ZNF132: variants seen among roughly 807,000 people sequenced by gnomAD.
The protein encoded by ZNF132 is zinc finger protein 132.
In ZNF132, 6 loss-of-function variants were observed where a neutral mutation model predicts 9.3. The ratio of observed to expected loss-of-function variants is 0.65; its 90% CI spans 0.35 to 1.28. ZNF132 has a LOEUF of 1.28. Ranked by LOEUF, ZNF132 falls within the 50% of genes most tolerant of loss-of-function variation. ZNF132 has a pLI of 0.03. For synonymous variants in ZNF132, 296 were observed against 292.0 expected, an observed-to-expected ratio of 1.01 and a Z score of -0.14; for missense variants, 877 against 843.2, an observed-to-expected ratio of 1.04 and a Z score of -0.50.
In ZNF132 at chr19:58,439,925, A is replaced by G; in HGVS notation, c.-104T>C. On this transcript the variant is annotated 5_prime_UTR_variant, in exon 1 of 3. Coordinates refer to ENST00000254166, the MANE Select transcript of ZNF132 (RefSeq NM_003433.4). ...GTCTTCCCAAATGCAAAATGCGCGC[A>G]AGGCCTCTGGGCACCGCAGGGACGA... is the stretch of plus-strand genomic sequence containing the variant. 8.0e-7 allele frequency: 1 copy of G among 1,246,894 alleles called. No homozygotes were observed. 77.2% of individuals were successfully genotyped at this position (1,246,894 alleles called of 1,614,324 possible).
At chr19:58,439,643 T>G in intron 1 of ZNF132, 116 bp downstream of exon 1, 1 of 1,150,720 alleles carries the variant, frequency 8.7e-7, no homozygotes, top group Non-Finnish European at 1.2e-6. Context: ...AGGACCCACG[T>G]GTGAGGACAG....
Position 58,440,091 on chromosome 19 carries a change from C to T in ZNF132, c.-270G>A. The stretch of plus-strand genomic sequence containing the variant: ...ACGGTCCCTGCACCCACTCCCGTGC[C>T]CTGGTGTGGCTCCAGAGGCCTGCTG... On this transcript the variant is annotated 5_prime_UTR_variant, in exon 1 of 3. Coordinates refer to ENST00000254166, the MANE Select transcript of ZNF132 (RefSeq NM_003433.4). 1 of 485,564 alleles carries T rather than the reference C, an allele frequency of 2.1e-6. No homozygotes were observed. Among genetic ancestry groups the T allele is most frequent in the Non-Finnish European group, 3.6e-6 (1 of 277,660 alleles). The allele number at this position is 485,564 out of a possible 1,614,324, so 30.1% of individuals were successfully genotyped here.
chr19:58,437,119 G>C lies in ZNF132; in HGVS notation c.160C>G (p.Leu54Val). ...AGGTGCCTCTGGGCTGCATCAAGGA[G>C]CTCCCACTCCTCTTGGGAGAAGTAT... Reference protein sequence around the residue: ...AVYFSQEEWELLDAAQRHLYH... With the variant: ...AVYFSQEEWEVLDAAQRHLYH... Residue 54 changes from leucine (L) to valine (V), a missense_variant, in exon 2 of 3, where the codon CTC becomes GTC. Physicochemically the swap from Leu to Val is conservative, Grantham distance 32. Coordinates refer to ENST00000254166, the MANE Select transcript of ZNF132 (RefSeq NM_003433.4). 4 of 1,614,134 alleles carry C rather than the reference G, an allele frequency of 2.5e-6. No homozygotes were observed. Among genetic ancestry groups the C allele is most frequent in the Middle Eastern group, 3.3e-4 (2 of 6,062 alleles).
rs574044186 is a variant in ZNF132, at chr19:58,434,658, T to C, written c.786A>G (p.Ile262Met). ...PNHLRTHSEE[I>M]PFTCPTGGNF... ...TTCCACCTGTTGGGCATGTAAATGG[T>C]ATCTCTTCAGAGTGAGTTCTCAGAT... Residue 262 changes from isoleucine to methionine, a missense_variant, in exon 3 of 3, where the codon ATA becomes ATG. Coordinates refer to ENST00000254166, the MANE Select transcript of ZNF132 (RefSeq NM_003433.4). 38 of 1,614,226 alleles carry C rather than the reference T, an allele frequency of 2.4e-5. No homozygotes were observed. The South Asian group carries it at 4.0e-4, about 17-fold the overall frequency.
At chr19:58,436,049 A>T (rs913382371) in intron 2 of ZNF132, among the ~76,000 whole-genome samples, 4 of 152,262 alleles carry the variant, frequency 2.6e-5, no homozygotes, top group African/African-American at 9.6e-5. Flanking sequence ...TACAACATTG[A>T]TGAACTTCAA....
chr19:58,437,724 A>G (rs1372686659), intron 1 of ZNF132: 2 of 985,248 alleles, frequency 2.0e-6, no homozygotes, highest in Non-Finnish European at 2.4e-6. Flanking sequence ...CACATGGCAT[A>G]CCTGACAGAT....
intron 1 of ZNF132, among the ~76,000 whole-genome samples, 167 bp from the exon 2 acceptor site, chr19:58,437,382 A>C (rs2052779441): frequency 6.6e-6 from 1 of 152,110 alleles, no homozygotes; most frequent in South Asian, 2.1e-4. Flanking sequence ...CCCCCACCTA[A>C]CATGCCCTGG....
chr19:58,434,709 G>A lies in ZNF132; in HGVS notation c.735C>T (p.Phe245=), dbSNP rs1211792538. 3.7e-6 allele frequency: 6 copies of A among 1,614,084 alleles called. No homozygotes were observed. The highest frequency in any genetic ancestry group is 1.7e-5 in the Admixed American group (1 of 60,010). The change falls in exon 3 of 3, where the codon TTC becomes TTT. Residue 245 remains phenylalanine, a synonymous_variant. Coordinates refer to ENST00000254166, the MANE Select transcript of ZNF132 (RefSeq NM_003433.4). ...LFECSNCGKA[F]LKSSTLPNHL... ...GGTTGGGGAGAGTGGAGCTCTTCAGGAAGGCTTTTCCACAGTTGCTGCACT... is the reference window on the plus strand; with the variant it reads ...GGTTGGGGAGAGTGGAGCTCTTCAGAAAGGCTTTTCCACAGTTGCTGCACT...
Position 58,439,835 on chromosome 19 carries a change from G to A in ZNF132, c.-14C>T, listed in dbSNP as rs2052792716. The stretch of plus-strand genomic sequence containing the variant: ...GGGCAGGGCCATAACAGGAGGCCCA[G>A]GGCTAGCCCTGCCGCTGGGCCGAAC... On this transcript the variant is annotated 5_prime_UTR_variant, in exon 1 of 3. Coordinates refer to ENST00000254166, the MANE Select transcript of ZNF132 (RefSeq NM_003433.4). The A allele has an allele frequency of 6.5e-7, 1 of 1,539,032 alleles. No homozygotes were observed. The highest frequency in any genetic ancestry group is 8.8e-7 in the Non-Finnish European group (1 of 1,142,594).
rs746930925 is a variant in ZNF132, at chr19:58,435,085, C to G, written c.359G>C (p.Gly120Ala). ...TKKANSCDMC[G>A]PFLKDILHLA... The stretch of plus-strand genomic sequence containing the variant: ...GTGCAAAATGTCTTTCAAGAATGGC[C>G]CACACATGTCACAGGAGTTAGCTTT... Residue 120 changes from glycine to alanine, a missense_variant, in exon 3 of 3, where the codon GGG becomes GCG. Physicochemically the swap from Gly to Ala is moderately conservative, Grantham distance 60. Coordinates refer to ENST00000254166, the MANE Select transcript of ZNF132 (RefSeq NM_003433.4). 2 of 1,614,096 alleles carry G rather than the reference C, an allele frequency of 1.2e-6. No homozygotes were observed. Among genetic ancestry groups the G allele is most frequent in the South Asian group, 1.1e-5 (1 of 91,078 alleles).
intron 2 of ZNF132, chr19:58,436,829 C>G: frequency 2.9e-6 from 2 of 700,246 alleles, no homozygotes; most frequent in Non-Finnish European, 5.1e-6. Context: ...TTTGCCTCCA[C>G]AAGGCTCCTG....
Position 58,434,520 on chromosome 19 carries a change from C to T in ZNF132, c.924G>A (p.Lys308=), listed in dbSNP as rs2052761453. ...TTACTTCAGTGTGAAATTTCTGGTGCTTCCTCAGCTTAGATGAGTGACTAA... is the reference window on the plus strand; with the variant it reads ...TTACTTCAGTGTGAAATTTCTGGTGTTTCCTCAGCTTAGATGAGTGACTAA... The part of the protein sequence containing the change: ...KAFSHSSKLR[K]HQKFHTEVKY... The change falls in exon 3 of 3, where the codon AAG becomes AAA. Residue 308 remains lysine (K), a synonymous_variant. Coordinates refer to ENST00000254166, the MANE Select transcript of ZNF132 (RefSeq NM_003433.4). 1.2e-6 allele frequency: 2 copies of T among 1,614,070 alleles called. No homozygotes were observed. Among genetic ancestry groups the T allele is most frequent in the Non-Finnish European group, 1.7e-6 (2 of 1,180,036 alleles).
At chr19:58,437,264 C>T in intron 1 of ZNF132, 49 bp from the exon 2 acceptor site, 1 of 1,531,654 alleles carries the variant, frequency 6.5e-7, no homozygotes, top group Non-Finnish European at 8.8e-7. Context: ...CAGGACCTTG[C>T]TGTGTGACTC....
Position 58,433,525 on chromosome 19 carries a change from G to A in ZNF132, c.1919C>T (p.Ser640Phe). ...AACTCTCTGATGACGAACCAGGTGG[G>A]AGTTACTGCTAAAGGCTCTCCCACA... Reference protein sequence around the residue: ...SECGRAFSSNSHLVRHQRVHT... With the variant: ...SECGRAFSSNFHLVRHQRVHT... Residue 640 changes from serine to phenylalanine, a missense_variant, in exon 3 of 3, where the codon TCC becomes TTC. Transcript: ENST00000254166. 1 of 1,614,178 alleles carries A rather than the reference G, an allele frequency of 6.2e-7. No individual in the cohort carries two copies. Among genetic ancestry groups the A allele is most frequent in the Non-Finnish European group, 8.5e-7 (1 of 1,180,026 alleles).
rs1200443454 is a variant in ZNF132, at chr19:58,433,760, A to G, written c.1684T>C (p.Trp562Arg). 8 of 1,614,114 alleles carry G rather than the reference A, an allele frequency of 5.0e-6. No individual in the cohort carries two copies. The highest frequency in any genetic ancestry group is 5.9e-6 in the Non-Finnish European group (7 of 1,179,996). The change falls in exon 3 of 3, where the codon TGG (tryptophan) becomes CGG (arginine). Residue 562 changes from tryptophan (W) to arginine (R), a missense_variant. By Grantham distance (101) the Trp-to-Arg change is moderately radical (BLOSUM62 -3). Coordinates refer to ENST00000254166, the MANE Select transcript of ZNF132 (RefSeq NM_003433.4). ...FAHSSTLIEH[W>R]RVHTKERPYE... is the part of the protein sequence containing the mutation. ...GGCCTTTCTTTTGTGTGAACTCTCC[A>G]GTGTTCAATGAGAGTGGAGCTGTGA...
chr19:58,437,726 C>T, intron 1 of ZNF132: 1 of 985,404 alleles, frequency 1.0e-6, no homozygotes, highest in South Asian at 4.7e-5. Flanking sequence ...CATGGCATAC[C>T]TGACAGATGC....
chr19:58,439,636 A>AC (rs1302397347), intron 1 of ZNF132, 123 bp downstream of exon 1: 1 of 1,064,392 alleles, frequency 9.4e-7, no homozygotes, highest in African/African-American at 1.7e-5. Context: ...AGGGCCCAGG[A>AC]CCCACGTGTG....
chr19:58,433,530 A>G lies in ZNF132; in HGVS notation c.1914T>C (p.Ser638=). The G allele has an allele frequency of 1.9e-6, 3 of 1,614,058 alleles. No individual in the cohort carries two copies. Among genetic ancestry groups the G allele is most frequent in the Middle Eastern group, 1.6e-4 (1 of 6,062 alleles). ...TCTGATGACGAACCAGGTGGGAGTT[A>G]CTGCTAAAGGCTCTCCCACATTCAC... The part of the protein sequence containing the change: ...ECSECGRAFS[S]NSHLVRHQRV... Residue 638 remains serine, a synonymous_variant, in exon 3 of 3, where the codon AGT becomes AGC. Coordinates refer to ENST00000254166, the MANE Select transcript of ZNF132 (RefSeq NM_003433.4).
In ZNF132 at chr19:58,434,380, G is replaced by C. The variant is rs1260906940; in HGVS notation, c.1064C>G (p.Ala355Gly). The change falls in exon 3 of 3, where the codon GCC becomes GGC. Residue 355 changes from alanine to glycine, a missense_variant. By Grantham distance (60) the Ala-to-Gly change is moderately conservative (BLOSUM62 0). Coordinates refer to ENST00000254166, the MANE Select transcript of ZNF132 (RefSeq NM_003433.4). ...AATGAGGTGTGATCTGTTACTGAAG[G>C]CTTTCCCACATTCATCACACTCATA... ...RPYECDECGK[A>G]FSNRSHLIRH... is the part of the protein sequence containing the mutation. The C allele has an allele frequency of 6.2e-7, 1 of 1,614,110 alleles. No individual in the cohort carries two copies. Among genetic ancestry groups the C allele is most frequent in the Non-Finnish European group, 8.5e-7 (1 of 1,180,044 alleles).
Sources: gnomAD v4.1 joint callset for allele counts (sites outside exome capture counted in the v4.1 genomes callset) on GRCh38, gnomAD v4.1.1 for gene constraint, MANE v1.5 for transcripts, NCBI Gene and HGNC (gene_info 2026-07-23, HGNC 2026-07-21) for gene names.